The following PIK3R3 variants were observed in gnomAD, a reference collection of about 807,000 sequenced individuals.
The protein encoded by PIK3R3 is phosphoinositide-3-kinase regulatory subunit 3, also known as phosphatidylinositol 3-kinase regulatory subunit gamma.
In PIK3R3, 64 loss-of-function variants were observed where a neutral mutation model predicts 62.9. The observed-to-expected ratio is 1.02, with a 90% CI of 0.83 to 1.25. PIK3R3 has a LOEUF of 1.25. Among genes scored for constraint, PIK3R3 ranks in the 50% most tolerant of loss-of-function variants. The probability of loss-of-function intolerance (pLI) is 0.00; values close to 1 mark genes in which losing one functional copy is unlikely to be tolerated. For synonymous variants in PIK3R3, 165 were observed against 189.0 expected, an observed-to-expected ratio of 0.87 and a Z score of 1.04; for missense variants, 614 against 561.6, an observed-to-expected ratio of 1.09 and a Z score of -0.94.
At chr1:46,050,557 ATC>A (rs1310740165) in intron 7 of PIK3R3, among the ~76,000 whole-genome samples, 1 of 152,092 alleles carries the variant, frequency 6.6e-6, no homozygotes, top group Non-Finnish European at 1.5e-5. Flanking sequence ...AAGAGCGAAA[ATC>A]TGTCTCAAAA....
chr1:46,157,657 C>T, the PIK3R3 span, among the ~76,000 whole-genome samples: 9 of 152,192 alleles, frequency 5.9e-5, no homozygotes, highest in South Asian at 4.1e-4. Flanking sequence ...AAGCTCCTCT[C>T]GCTGCAGTGA....
At chr1:46,160,057 T>C in the PIK3R3 span, among the ~76,000 whole-genome samples, 1 of 152,216 alleles carries the variant, frequency 6.6e-6, no homozygotes, top group Non-Finnish European at 1.5e-5. Context: ...CCTCTCCTTT[T>C]GCACAGCCAA....
At chr1:46,085,282 C>CA (rs1650956854) in intron 1 of PIK3R3, among the ~76,000 whole-genome samples, 1 of 152,176 alleles carries the variant, frequency 6.6e-6, no homozygotes, top group African/African-American at 2.4e-5. Flanking sequence ...CATACATAGG[C>CA]AAATATGTAT....
the PIK3R3 span, among the ~76,000 whole-genome samples, chr1:46,142,984 C>T: frequency 9.2e-5 from 14 of 152,134 alleles, no homozygotes; most frequent in Admixed American, 2.0e-4. Flanking sequence ...CGTGGGCAAA[C>T]GATCAAGAGT....
intron 3 of PIK3R3, among the ~76,000 whole-genome samples, chr1:46,070,933 A>T (rs951176463): frequency 1.3e-5 from 2 of 152,194 alleles, no homozygotes; most frequent in African/African-American, 4.8e-5. Flanking sequence ...TCTACAACAA[A>T]TACTATTTAC....
rs770070730 is a variant in PIK3R3, at chr1:46,115,910, C to T, written c.106+15937G>A. On this transcript the variant is annotated intron_variant, in intron 1 of 9. Transcript: ENST00000262741. ...GAGAGAGTTTAATGGGAGACAGGTA[C>T]TCACGGAATAGAAACTTAATAGGTT... Among the ~76,000 whole-genome samples the T allele has an allele frequency of 2.8e-4, 42 of 152,172 alleles. 1 individual carries two copies. The Middle Eastern group carries it at 0.034, about 123-fold the overall frequency.
At chr1:46,081,230 T>C (rs1005534714) in intron 1 of PIK3R3, among the ~76,000 whole-genome samples, 1 of 152,208 alleles carries the variant, frequency 6.6e-6, no homozygotes, top group Non-Finnish European at 1.5e-5. Flanking sequence ...CCCCTTGTCT[T>C]GGACTAGAAT....
chr1:46,099,735 CTT>C (rs1437476842), intron 1 of PIK3R3, among the ~76,000 whole-genome samples: 1 of 152,148 alleles, frequency 6.6e-6, no homozygotes, highest in African/African-American at 2.4e-5. Flanking sequence ...GGTACAAACT[CTT>C]GTCCATCTTC....
chr1:46,075,186 T>C (rs1385092469), intron 3 of PIK3R3, among the ~76,000 whole-genome samples: 2 of 152,246 alleles, frequency 1.3e-5, no homozygotes, highest in Non-Finnish European at 2.9e-5. Context: ...TATCGCTATA[T>C]AAACAGTTCA....
rs968840914 is a variant in PIK3R3, at chr1:46,042,971, T to C, written c.*702A>G. 3.5e-4 allele frequency: 76 copies of C among 215,832 alleles called. No homozygotes were observed. Among genetic ancestry groups the C allele is most frequent in the Non-Finnish European group, 5.5e-4 (59 of 106,872 alleles). 13.4% of individuals were successfully genotyped at this position (215,832 alleles called of 1,614,324 possible). A position where few individuals can be genotyped will look rare whatever the true frequency, so the allele number is the denominator to read the frequency against. On this transcript the variant is annotated 3_prime_UTR_variant, in exon 10 of 10. Coordinates refer to ENST00000262741, the MANE Select transcript of PIK3R3 (RefSeq NM_003629.4). This position sits in a 1 kb window ranked among gnomAD's most constrained non-coding sequence, Gnocchi z 4.3. ...ACAGAAGTATACATTCAACTATGAGTGCCACGTTTTCCCATCAAACATTGG... is the reference window on the plus strand; with the variant it reads ...ACAGAAGTATACATTCAACTATGAGCGCCACGTTTTCCCATCAAACATTGG...
rs1031388121 is a variant in PIK3R3 at position 46,045,617 on chromosome 1, C to CTTTTTTTTT, written c.1187+292_1187+300dup. ...TAGGATACTACTAAACAATTAAGTGCTTTTTTTTTTTTTTTTTTTTTTTTT... is the reference window on the plus strand; with the variant it reads ...TAGGATACTACTAAACAATTAAGTGCTTTTTTTTTTTTTTTTTTTTTTTTTTTTTTTTTT... On this transcript the variant is annotated intron_variant, in intron 9 of 9. Coordinates refer to ENST00000262741, the MANE Select transcript of PIK3R3 (RefSeq NM_003629.4). Among the ~76,000 whole-genome samples the CTTTTTTTTT allele has an allele frequency of 9.0e-4, 19 of 21,204 alleles. 6 individuals are homozygous for CTTTTTTTTT. The highest frequency in any genetic ancestry group is 1.3e-3 in the Admixed American group (2 of 1,576). The allele number at this position is 21,204 out of a possible 152,430, so 13.9% of individuals were successfully genotyped here.
At chr1:46,126,486 T>C (rs1275508736) in intron 1 of PIK3R3, among the ~76,000 whole-genome samples, 1 of 149,636 alleles carries the variant, frequency 6.7e-6, no homozygotes, top group Admixed American at 6.7e-5. Flanking sequence ...TCCAGTGAGC[T>C]GAGATCACGC....
chr1:46,045,620 T>TG (rs1647091622), intron 9 of PIK3R3, among the ~76,000 whole-genome samples: 2 of 120,202 alleles, frequency 1.7e-5, no homozygotes, highest in African/African-American at 6.3e-5. Context: ...TTAAGTGCTT[T>TG]TTTTTTTTTT....
At chr1:46,167,019 G>A in the PIK3R3 span, among the ~76,000 whole-genome samples, 5 of 152,204 alleles carry the variant, frequency 3.3e-5, no homozygotes, top group Non-Finnish European at 7.3e-5. Flanking sequence ...TCCTGACTCC[G>A]CGCCCGGCGC....
chr1:46,111,998 T>C (rs979731951), intron 1 of PIK3R3, among the ~76,000 whole-genome samples: 8 of 152,148 alleles, frequency 5.3e-5, no homozygotes. Flanking sequence ...TCTATAATAT[T>C]TATCTCCACC....
intron 1 of PIK3R3, among the ~76,000 whole-genome samples, chr1:46,129,943 T>A (rs785505): frequency 0.96 from 146,736 of 152,322 alleles, 70,712 homozygotes; most frequent in East Asian, 0.99. Context: ...TAAACTCAAA[T>A]GTTTATTTCC....
chr1:46,141,110 T>G, the PIK3R3 span, among the ~76,000 whole-genome samples: 1 of 152,032 alleles, frequency 6.6e-6, no homozygotes, highest in African/African-American at 2.4e-5. Context: ...TCGTCCCACC[T>G]TGGCCTCCCA....
Position 46,132,549 on chromosome 1 carries a change from C to T in PIK3R3, c.-597G>A. On this transcript the variant is annotated 5_prime_UTR_variant, in exon 1 of 10. Transcript: ENST00000262741. Reference sequence around the variant, plus strand: ...GGGAATGGGGCCGGCCGGAGAAGTCCAGTCAGCTCGGCTTGTCTGGGCGCT... The same window carrying T: ...GGGAATGGGGCCGGCCGGAGAAGTCTAGTCAGCTCGGCTTGTCTGGGCGCT... 1 of 1,271,802 alleles carries T rather than the reference C, an allele frequency of 7.9e-7. No individual in the cohort carries two copies. The allele number at this position is 1,271,802 out of a possible 1,614,324, so 78.8% of individuals were successfully genotyped here.
chr1:46,139,864 A>T, the PIK3R3 span, among the ~76,000 whole-genome samples: 1 of 152,184 alleles, frequency 6.6e-6, no homozygotes, highest in South Asian at 2.1e-4. Flanking sequence ...ACAATGGAGG[A>T]ATCTAGCTCA....
Sources: allele counts gnomAD v4.1 joint callset (sites outside exome capture counted in the v4.1 genomes callset), GRCh38; gene constraint gnomAD v4.1.1; non-coding constraint Gnocchi (gnomAD v3.1); transcripts MANE v1.5; gene names NCBI Gene and HGNC (gene_info 2026-07-23, HGNC 2026-07-21).